LRP1B: variants seen among roughly 807,000 people sequenced by gnomAD.
LRP1B encodes the protein LDL receptor related protein 1B, also known as low-density lipoprotein receptor-related protein 1B.
In LRP1B, 217 loss-of-function variants were observed where a neutral mutation model predicts 556.6. The observed-to-expected ratio is 0.39, with a 90% CI of 0.35 to 0.44. The LOEUF is 0.44. Ranked by LOEUF, LRP1B falls within the 20% of genes least tolerant of loss-of-function variation. The probability of loss-of-function intolerance (pLI) is 1.00; values close to 1 mark genes in which losing one functional copy is unlikely to be tolerated. For synonymous variants in LRP1B, 2,047 were observed against 1,865.8 expected, an observed-to-expected ratio of 1.10 and a Z score of -2.50; for missense variants, 5,053 against 5,620.8, an observed-to-expected ratio of 0.90 and a Z score of 3.23.
intron 2 of LRP1B, among the ~76,000 whole-genome samples, chr2:141,500,810 G>T (rs1683686628): frequency 6.6e-6 from 1 of 152,030 alleles, no homozygotes; most frequent in African/African-American, 2.4e-5. Flanking sequence ...TTCTAGCAAA[G>T]GGTGTCTGAT....
intron 1 of LRP1B, among the ~76,000 whole-genome samples, chr2:141,837,015 ACTC>A (rs1697304889): frequency 6.6e-6 from 1 of 151,922 alleles, no homozygotes; most frequent in African/African-American, 2.4e-5. Context: ...GTTTTCAACA[ACTC>A]CTTATTTTGG....
chr2:140,338,125 C>T (rs952538106), intron 77 of LRP1B, among the ~76,000 whole-genome samples: 7 of 151,698 alleles, frequency 4.6e-5, no homozygotes, highest in Admixed American at 6.6e-5. Flanking sequence ...CTTGCAGAGC[C>T]ATTTAATATA....
intron 61 of LRP1B, 81 bp from the exon 62 acceptor site, chr2:140,456,684 T>C: frequency 1.6e-6 from 2 of 1,229,154 alleles, no homozygotes; most frequent in South Asian, 1.7e-5. Flanking sequence ...GATAGGACTT[T>C]TAAGCTGCAT....
intron 41 of LRP1B, among the ~76,000 whole-genome samples, chr2:140,619,730 GTAT>G (rs1385743262): frequency 6.6e-6 from 1 of 152,086 alleles, no homozygotes; most frequent in Non-Finnish European, 1.5e-5. Flanking sequence ...ATAAATGTTG[GTAT>G]TATTATGGCA....
Position 141,055,237 on chromosome 2 carries a change from G to C in LRP1B, c.1431C>G (p.Val477=), listed in dbSNP as rs149107019. 6.2e-7 allele frequency: 1 copy of C among 1,610,048 alleles called. No individual in the cohort carries two copies. The highest frequency in any genetic ancestry group is 8.5e-7 in the Non-Finnish European group (1 of 1,177,920). ...QPTVRSHACE[V]DPYGMPGGCS... ...AGCCCCCTGGCATTCCATATGGATC[G>C]ACTTCACATGCATGGCTTCTGACTA... The change falls in exon 10 of 91, where the codon GTC becomes GTG. Residue 477 remains valine (V), a synonymous_variant. Transcript: ENST00000389484.
chr2:140,710,089 T>C (rs1686981729), intron 37 of LRP1B, among the ~76,000 whole-genome samples: 1 of 152,100 alleles, frequency 6.6e-6, no homozygotes, highest in African/African-American at 2.4e-5. Context: ...TATTGCTACA[T>C]ATGTCAAAGA....
intron 37 of LRP1B, among the ~76,000 whole-genome samples, chr2:140,713,900 T>C (rs1236124098): frequency 6.6e-6 from 1 of 152,174 alleles, no homozygotes; most frequent in Non-Finnish European, 1.5e-5. Flanking sequence ...CCCTCATTTT[T>C]ACTACCTGCT....
intron 37 of LRP1B, among the ~76,000 whole-genome samples, chr2:140,706,619 A>C (rs1421042786): frequency 6.6e-6 from 1 of 152,152 alleles, no homozygotes; most frequent in Non-Finnish European, 1.5e-5. Flanking sequence ...GCAGGAAGAC[A>C]GTGCAATGAG....
At chr2:140,366,331 G>A (rs910018366) in intron 71 of LRP1B, among the ~76,000 whole-genome samples, 3 of 151,548 alleles carry the variant, frequency 2.0e-5, no homozygotes, top group Non-Finnish European at 4.4e-5. Context: ...TAGTGTGTGT[G>A]GACCATTTGG....
At chr2:141,445,048 G>C (rs1334541510) in intron 3 of LRP1B, among the ~76,000 whole-genome samples, 1 of 152,106 alleles carries the variant, frequency 6.6e-6, no homozygotes, top group Non-Finnish European at 1.5e-5. Flanking sequence ...CTGTGAATCT[G>C]TCTGGTCCTG....
intron 2 of LRP1B, among the ~76,000 whole-genome samples, chr2:141,522,570 C>T (rs1684564046): frequency 6.6e-6 from 1 of 152,110 alleles, no homozygotes; most frequent in Admixed American, 6.6e-5. Context: ...AGAGAAACTG[C>T]TGACATTCAG....
intron 43 of LRP1B, among the ~76,000 whole-genome samples, chr2:140,564,897 CTTG>C (rs768964017): frequency 1.6e-4 from 25 of 152,128 alleles, no homozygotes; most frequent in Admixed American, 2.6e-4. Context: ...TAAAGCCACT[CTTG>C]TTGTTTCAGA....
chr2:140,329,506 A>G (rs1049704870), intron 79 of LRP1B, among the ~76,000 whole-genome samples: 2 of 152,064 alleles, frequency 1.3e-5, no homozygotes, highest in African/African-American at 4.8e-5. Context: ...CCGTCTTCTC[A>G]GCTCAAAAGC....
intron 2 of LRP1B, among the ~76,000 whole-genome samples, chr2:141,756,549 ACAC>A (rs1558853796): frequency 0.067 from 2,164 of 32,240 alleles, 58 homozygotes; most frequent in African/African-American, 0.11. Flanking sequence ...CAAATTACAC[ACAC>A]ACACACACAC....
At chr2:141,479,472 G>A (rs1048549507) in intron 3 of LRP1B, among the ~76,000 whole-genome samples, 1 of 152,132 alleles carries the variant, frequency 6.6e-6, no homozygotes, top group Admixed American at 6.5e-5. Flanking sequence ...AACCAGATAT[G>A]TTATCTCCAG....
intron 2 of LRP1B, among the ~76,000 whole-genome samples, chr2:141,660,227 G>C (rs1328801770): frequency 1.3e-5 from 2 of 152,152 alleles, no homozygotes; most frequent in Non-Finnish European, 2.9e-5. Context: ...GCCGGAACAA[G>C]GGGAGCTCCC....
intron 83 of LRP1B, among the ~76,000 whole-genome samples, chr2:140,299,111 A>G (rs1391260201): frequency 6.6e-6 from 1 of 152,118 alleles, no homozygotes; most frequent in African/African-American, 2.4e-5. Flanking sequence ...AAGTGTAATT[A>G]AACTGATTAG....
At chr2:140,930,774 A>C (rs1461300458) in intron 20 of LRP1B, among the ~76,000 whole-genome samples, 1 of 152,146 alleles carries the variant, frequency 6.6e-6, no homozygotes, top group Non-Finnish European at 1.5e-5. Context: ...ACCATGTGTC[A>C]GTCCTTGCTC....
chr2:140,526,147 G>T lies in LRP1B; in HGVS notation c.7876+90C>A, dbSNP rs1373149492. ...CAGGGGTTAATTACATACCAATTTT[G>T]GACAAAGTTCAGTAAAATCTTGCAC... On this transcript the variant is annotated intron_variant, in intron 48 of 90. Transcript: ENST00000389484. 12 of 1,401,784 alleles carry T rather than the reference G, an allele frequency of 8.6e-6. No individual in the cohort carries two copies. In the African/African-American group the frequency reaches 1.3e-4, roughly 15 times the overall value. 86.8% of individuals were successfully genotyped at this position (1,401,784 alleles called of 1,614,324 possible).
Sources: allele counts gnomAD v4.1 joint callset (sites outside exome capture counted in the v4.1 genomes callset), GRCh38; gene constraint gnomAD v4.1.1; transcripts MANE v1.5; gene names NCBI Gene and HGNC (gene_info 2026-07-23, HGNC 2026-07-21).